The following SCHIP1 variants were observed in gnomAD, a reference collection of about 807,000 sequenced individuals.
SCHIP1 encodes the protein schwannomin-interacting protein 1.
SCHIP1 carries 8 observed loss-of-function variants against 29.7 expected under a neutral mutation model. That is an observed-to-expected ratio of 0.27 (90% CI 0.16 to 0.49). SCHIP1 has a LOEUF of 0.49. Among genes scored for constraint, SCHIP1 ranks in the 20% least tolerant of loss-of-function variants. The probability of loss-of-function intolerance (pLI) is 0.99; values close to 1 mark genes in which losing one functional copy is unlikely to be tolerated. For synonymous variants in SCHIP1, 76 were observed against 94.9 expected (o/e 0.80, Z 1.16); for missense variants, 193 against 294.6 (o/e 0.66, Z 2.52).
At chr3:159,358,976 G>A in the SCHIP1 span, among the ~76,000 whole-genome samples, 1 of 132,260 alleles carries the variant, frequency 7.6e-6, no homozygotes, top group African/African-American at 2.8e-5. Flanking sequence ...TTGCCAGGCT[G>A]GAGTGCAGTG....
the SCHIP1 span, among the ~76,000 whole-genome samples, chr3:159,353,694 A>G: frequency 2.0e-5 from 3 of 152,218 alleles, no homozygotes; most frequent in African/African-American, 7.2e-5. Context: ...TAAAGAAAAT[A>G]CAATTTTTAA....
At chr3:159,672,922 G>C in the SCHIP1 span, among the ~76,000 whole-genome samples, 6 of 152,120 alleles carry the variant, frequency 3.9e-5, no homozygotes, top group Non-Finnish European at 7.3e-5. Flanking sequence ...AGTGGTGGTG[G>C]CGAGTACTGC....
At chr3:159,384,295 C>A in the SCHIP1 span, among the ~76,000 whole-genome samples, 2 of 150,378 alleles carry the variant, frequency 1.3e-5, no homozygotes, top group South Asian at 2.1e-4. Flanking sequence ...CAATACCTAA[C>A]TTATTGAGAG....
At chr3:159,786,185 A>C in the SCHIP1 span, among the ~76,000 whole-genome samples, 2,740 of 152,334 alleles carry the variant, frequency 0.018, 31 homozygotes, top group Middle Eastern at 0.037. Context: ...TAGTGCCATG[A>C]AGCAAAATCT....
the SCHIP1 span, among the ~76,000 whole-genome samples, chr3:159,737,586 A>C: frequency 6.6e-6 from 1 of 152,234 alleles, no homozygotes; most frequent in Non-Finnish European, 1.5e-5. Context: ...TAATTGTAAC[A>C]GGCACTGTGC....
At chr3:159,560,217 TA>T in the SCHIP1 span, among the ~76,000 whole-genome samples, 2 of 152,192 alleles carry the variant, frequency 1.3e-5, no homozygotes, top group East Asian at 1.9e-4. Context: ...AGAAAAAATG[TA>T]AATACGATAA....
At chr3:159,609,825 A>G in the SCHIP1 span, among the ~76,000 whole-genome samples, 7 of 152,132 alleles carry the variant, frequency 4.6e-5, no homozygotes, top group Non-Finnish European at 1.0e-4. Context: ...TGATATGATT[A>G]CATTCTGGAA....
chr3:159,608,373 A>T, the SCHIP1 span, among the ~76,000 whole-genome samples: 44 of 152,334 alleles, frequency 2.9e-4, no homozygotes, highest in African/African-American at 1.0e-3. Context: ...TGTCATGAGT[A>T]AAAAGAAAAA....
the SCHIP1 span, among the ~76,000 whole-genome samples, chr3:159,589,469 A>G: frequency 2.6e-5 from 4 of 152,222 alleles, no homozygotes; most frequent in East Asian, 7.7e-4. Flanking sequence ...CTCCTGCCTG[A>G]TTGCCCTGGC....
intron 2 of SCHIP1, 66 bp downstream of exon 3, chr3:159,866,347 A>T (rs1361880843): frequency 7.0e-7 from 1 of 1,433,576 alleles, no homozygotes; most frequent in East Asian, 2.3e-5. Flanking sequence ...GACTATTCTA[A>T]TAAAAAAAAG....
intron 4 of SCHIP1, 144 bp downstream of exon 5, chr3:159,888,049 T>A: frequency 8.6e-7 from 1 of 1,169,262 alleles, no homozygotes; most frequent in South Asian, 1.6e-5. Context: ...ATGATTAAGT[T>A]TGTTTCTTTT....
the SCHIP1 span, among the ~76,000 whole-genome samples, chr3:159,334,591 C>T: frequency 1.3e-5 from 2 of 152,150 alleles, no homozygotes; most frequent in African/African-American, 4.8e-5. Context: ...AAATCATCCC[C>T]TAACCCCAAT....
intron 1 of SCHIP1, among the ~76,000 whole-genome samples, chr3:159,859,373 GT>G (rs1713768560): frequency 6.6e-6 from 1 of 152,110 alleles, no homozygotes; most frequent in African/African-American, 2.4e-5. Flanking sequence ...TATACTTCTG[GT>G]TCATAATGTT....
At chr3:159,373,966 A>G in the SCHIP1 span, among the ~76,000 whole-genome samples, 1 of 152,156 alleles carries the variant, frequency 6.6e-6, no homozygotes, top group Admixed American at 6.6e-5. Context: ...TCATATGATA[A>G]TTCTATTTTT....
the SCHIP1 span, among the ~76,000 whole-genome samples, chr3:159,423,945 A>G: frequency 6.6e-6 from 1 of 152,076 alleles, no homozygotes; most frequent in Non-Finnish European, 1.5e-5. Flanking sequence ...TACCCAGGCA[A>G]ACAGGGTCTG....
At chr3:159,278,889 A>G in the SCHIP1 span, among the ~76,000 whole-genome samples, 1 of 152,182 alleles carries the variant, frequency 6.6e-6, no homozygotes, top group Non-Finnish European at 1.5e-5. Context: ...CCTTCTTCAT[A>G]TAGTCATTCA....
the SCHIP1 span, among the ~76,000 whole-genome samples, chr3:159,700,844 A>G: frequency 6.7e-3 from 1,017 of 150,694 alleles, 11 homozygotes; most frequent in African/African-American, 0.024. Flanking sequence ...TGCAGTTCTG[A>G]GACAGAAAAA....
the SCHIP1 span, among the ~76,000 whole-genome samples, chr3:159,382,699 T>C: frequency 6.6e-6 from 1 of 151,690 alleles, no homozygotes; most frequent in South Asian, 2.1e-4. Context: ...TCCACAATGG[T>C]TGAACTAGTT....
the SCHIP1 span, among the ~76,000 whole-genome samples, chr3:159,552,336 G>A: frequency 6.6e-6 from 1 of 152,120 alleles, no homozygotes; most frequent in Non-Finnish European, 1.5e-5. Context: ...ATGAGCCACT[G>A]CACCCGGCCC....
Sources: gnomAD v4.1 joint callset for allele counts (sites outside exome capture counted in the v4.1 genomes callset) on GRCh38, gnomAD v4.1.1 for gene constraint, MANE v1.5 for transcripts, NCBI Gene and HGNC (gene_info 2026-07-23, HGNC 2026-07-21) for gene names.